Variants in MINAR1 observed in about 807,000 individuals in gnomAD.
The protein encoded by MINAR1 is major intrinsically disordered Notch2-binding receptor 1.
A neutral mutation model predicts 65.1 loss-of-function variants in MINAR1; 40 were observed. The observed-to-expected ratio is 0.61, with a 90% CI of 0.48 to 0.80. The LOEUF (loss-of-function observed/expected upper bound fraction) is 0.80. Among genes scored for constraint, MINAR1 ranks in the 30% least tolerant of loss-of-function variants. MINAR1 has a pLI of 0.00. For missense variants in MINAR1, 1,128 were observed against 1,148.0 expected, an observed-to-expected ratio of 0.98 and a Z score of 0.25; for synonymous variants, 482 against 449.1, an observed-to-expected ratio of 1.07 and a Z score of -0.93.
In MINAR1 at chr15:79,463,286, G is replaced by A. The variant is rs1895717076; in HGVS notation, c.2518G>A (p.Gly840Ser). 13 of 1,614,146 alleles carry A rather than the reference G, an allele frequency of 8.1e-6. 1 individual carries two copies. Among genetic ancestry groups the A allele is most frequent in the Non-Finnish European group, 1.1e-5 (13 of 1,179,996 alleles). ...CATTGAGGAGTATGCACGGAATGCG[G>A]GCGACAAGGGCAAGCTGACAGCCCT... ...WTIEEYARNA[G>S]DKGKLTALDL... is the part of the protein sequence containing the mutation. The change falls in exon 3 of 4, where the codon GGC (glycine) becomes AGC (serine). Residue 840 changes from glycine (G) to serine (S), a missense_variant. Physicochemically the swap from Gly to Ser is moderately conservative, Grantham distance 56. Coordinates refer to ENST00000305428, the MANE Select transcript of MINAR1 (RefSeq NM_015206.3).
At position 79,457,310 on chromosome 15, in the gene MINAR1, C is replaced by T; in HGVS notation, c.1163C>T (p.Pro388Leu). The change falls in exon 2 of 4, where the codon CCC becomes CTC. Residue 388 changes from proline (P) to leucine (L), a missense_variant. By Grantham distance (98) the Pro-to-Leu change is moderately conservative (BLOSUM62 -3). Coordinates refer to ENST00000305428, the MANE Select transcript of MINAR1 (RefSeq NM_015206.3). ...GAACGGTCCTTTTTCAATAGAAATC[C>T]CTCCGAGGAGAAGCTACACTATCCA... ...DFERSFFNRNPSEEKLHYPNA... is the reference protein window; with the variant it reads ...DFERSFFNRNLSEEKLHYPNA... 6.2e-7 allele frequency: 1 copy of T among 1,614,192 alleles called. No homozygotes were observed. Among genetic ancestry groups the T allele is most frequent in the Admixed American group, 1.7e-5 (1 of 60,030 alleles).
rs113901080 is a variant in MINAR1 at position 79,454,909 on chromosome 15, G to T, written c.-50-1189G>T. Among the ~76,000 whole-genome samples the T allele has an allele frequency of 8.0e-3, 1,060 of 132,102 alleles. 16 individuals are homozygous for T. The highest frequency in any genetic ancestry group is 0.028 in the African/African-American group (1,016 of 36,648). 86.7% of individuals were successfully genotyped at this position (132,102 alleles called of 152,430 possible). A position where few individuals can be genotyped will look rare whatever the true frequency, so the allele number is the denominator to read the frequency against. On this transcript the variant is annotated intron_variant, in intron 1 of 3. Coordinates refer to ENST00000305428, the MANE Select transcript of MINAR1 (RefSeq NM_015206.3). ...TTAAGATTTGTGAACTTCATTGTAC[G>T]TACATTTTACATTAAAATCTGTGAA... is the stretch of plus-strand genomic sequence containing the variant.
At chr15:79,448,573 G>A (rs1035063861) in intron 1 of MINAR1, among the ~76,000 whole-genome samples, 10 of 152,358 alleles carry the variant, frequency 6.6e-5, no homozygotes, top group African/African-American at 2.4e-4. Flanking sequence ...GAATACTGCA[G>A]ATGAATTCTC....
chr15:79,468,669 C>A lies in MINAR1; in HGVS notation c.*285C>A. 1 of 381,468 alleles carries A rather than the reference C, an allele frequency of 2.6e-6. No individual in the cohort carries two copies. The highest frequency in any genetic ancestry group is 4.0e-5 in the South Asian group (1 of 25,058). 23.6% of individuals were successfully genotyped at this position (381,468 alleles called of 1,614,324 possible). A position where few individuals can be genotyped will look rare whatever the true frequency, so the allele number is the denominator to read the frequency against. ...TATCAATAAATACAAATTGAATATT[C>A]CAAGCCAAAAAAGGAAGATTAATTG... On this transcript the variant is annotated 3_prime_UTR_variant, in exon 4 of 4. Coordinates refer to ENST00000305428, the MANE Select transcript of MINAR1 (RefSeq NM_015206.3).
chr15:79,468,243 T>A lies in MINAR1; in HGVS notation c.2610T>A (p.Thr870=). Residue 870 remains threonine, a synonymous_variant, in exon 4 of 4, where the codon ACT becomes ACA. Coordinates refer to ENST00000305428, the MANE Select transcript of MINAR1 (RefSeq NM_015206.3). ...NLEYWMEDIY[T]PGYDSLLKRK... is the part of the protein sequence containing the mutation. Reference sequence around the variant, plus strand: ...AGTACTGGATGGAAGACATTTATACTCCAGGATACGATTCATTACTAAAAC... The same window carrying A: ...AGTACTGGATGGAAGACATTTATACACCAGGATACGATTCATTACTAAAAC... The A allele has an allele frequency of 1.2e-6, 2 of 1,614,086 alleles. No homozygotes were observed. The highest frequency in any genetic ancestry group is 1.7e-6 in the Non-Finnish European group (2 of 1,179,988).
chr15:79,444,519 T>C (rs1004470917), intron 1 of MINAR1, among the ~76,000 whole-genome samples: 1 of 152,178 alleles, frequency 6.6e-6, no homozygotes, highest in South Asian at 2.1e-4. Flanking sequence ...AGTGGGATGC[T>C]TAGCTCATTG....
chr15:79,468,472 TTGAAA>T lies in MINAR1; in HGVS notation c.*91_*95del. On this transcript the variant is annotated 3_prime_UTR_variant, in exon 4 of 4. Coordinates refer to ENST00000305428, the MANE Select transcript of MINAR1 (RefSeq NM_015206.3). ...CTTGCAGCAGTGAGGCAACAATTTG[TTGAAA>T]TGGAGATGAAATCATGGAGGCATTT... The T allele has an allele frequency of 1.7e-6, 2 of 1,195,438 alleles. No homozygotes were observed. The highest frequency in any genetic ancestry group is 2.4e-6 in the Non-Finnish European group (2 of 848,508). The allele number at this position is 1,195,438 out of a possible 1,614,324, so 74.1% of individuals were successfully genotyped here.
At chr15:79,426,922 T>C in the MINAR1 span, 1 of 152,256 alleles carries the variant, frequency 6.6e-6, no homozygotes. Flanking sequence ...TTATTGGGTA[T>C]AGACCCAAAG....
At chr15:79,452,638 G>A (rs1291894007) in intron 1 of MINAR1, among the ~76,000 whole-genome samples, 5 of 150,894 alleles carry the variant, frequency 3.3e-5, no homozygotes, top group African/African-American at 9.8e-5. Flanking sequence ...CTGTGTGTGT[G>A]TGGGTGTGTG....
intron 1 of MINAR1, among the ~76,000 whole-genome samples, chr15:79,445,915 C>T (rs538768938): frequency 5.7e-4 from 86 of 152,210 alleles, no homozygotes; most frequent in African/African-American, 1.8e-3. Context: ...TTTAAAAATC[C>T]GGCTTGAGAG....
intron 1 of MINAR1, among the ~76,000 whole-genome samples, chr15:79,451,572 G>A (rs933095547): frequency 3.3e-5 from 5 of 152,184 alleles, no homozygotes; most frequent in South Asian, 2.1e-4. Flanking sequence ...CCCGATGGGG[G>A]CCTGATGTGC....
chr15:79,463,361 G>T, intron 3 of MINAR1, 40 bp downstream of exon 3: 1 of 1,601,080 alleles, frequency 6.2e-7, no homozygotes, highest in Non-Finnish European at 8.5e-7. Flanking sequence ...AAGCCCAGCT[G>T]TGCCCTGGCA....
In MINAR1 at chr15:79,461,754, ACACACT is replaced by A. The variant is rs564692394; in HGVS notation, c.2299-1307_2299-1302del. Among the ~76,000 whole-genome samples, 390 of 152,274 alleles carry A rather than the reference ACACACT, an allele frequency of 2.6e-3. 1 individual carries two copies. The highest frequency in any genetic ancestry group is 8.5e-3 in the African/African-American group (354 of 41,532). On this transcript the variant is annotated intron_variant, in intron 2 of 3. Coordinates refer to ENST00000305428, the MANE Select transcript of MINAR1 (RefSeq NM_015206.3). ...CAGTCCCCATGCAGGTGTAGGACCC[ACACACT>A]CACACATGTACACACATACACCACG...
the MINAR1 span, chr15:79,423,040 A>G: frequency 2.6e-5 from 4 of 152,226 alleles, no homozygotes; most frequent in South Asian, 8.3e-4. Flanking sequence ...AATTGTATTG[A>G]CATTTATAAC....
chr15:79,459,851 G>A (rs905644477), intron 2 of MINAR1, among the ~76,000 whole-genome samples: 1 of 152,172 alleles, frequency 6.6e-6, no homozygotes, highest in African/African-American at 2.4e-5. Flanking sequence ...ATGCTGCCAT[G>A]CTGGGCACAA....
chr15:79,450,590 T>A (rs1895159660), intron 1 of MINAR1, among the ~76,000 whole-genome samples: 1 of 151,850 alleles, frequency 6.6e-6, no homozygotes, highest in African/African-American at 2.4e-5. Context: ...TATTCCCCTC[T>A]GAGGTCATGT....
chr15:79,452,134 T>C (rs573647993), intron 1 of MINAR1, among the ~76,000 whole-genome samples: 8 of 152,236 alleles, frequency 5.3e-5, no homozygotes, highest in African/African-American at 1.9e-4. Context: ...CATGGGTGTG[T>C]GGAAGTGCGA....
Position 79,457,398 on chromosome 15 carries a change from A to G in MINAR1, c.1251A>G (p.Pro417=), listed in dbSNP as rs773717135. 2 of 1,614,202 alleles carry G rather than the reference A, an allele frequency of 1.2e-6. No homozygotes were observed. Among genetic ancestry groups the G allele is most frequent in the Non-Finnish European group, 1.7e-6 (2 of 1,180,036 alleles). The change falls in exon 2 of 4, where the codon CCA becomes CCG. Residue 417 remains proline, a synonymous_variant. Coordinates refer to ENST00000305428, the MANE Select transcript of MINAR1 (RefSeq NM_015206.3). ...APERRPTYLV[P]KDQQPILPIA... ...AAAGGCGCCCAACTTACCTTGTGCC[A>G]AAGGATCAACAGCCAATTCTCCCCA...
intron 3 of MINAR1, among the ~76,000 whole-genome samples, chr15:79,466,522 TTTGA>T (rs1396961092): frequency 1.3e-5 from 2 of 152,276 alleles, no homozygotes; most frequent in Non-Finnish European, 1.5e-5. Flanking sequence ...AAAATATTCT[TTTGA>T]TTTTTTTTCA....
Sources: allele counts gnomAD v4.1 joint callset (sites outside exome capture counted in the v4.1 genomes callset), GRCh38; gene constraint gnomAD v4.1.1; transcripts MANE v1.5; gene names NCBI Gene and HGNC (gene_info 2026-07-23, HGNC 2026-07-21).